The following CIB1 variants were observed in gnomAD, a reference collection of about 807,000 sequenced individuals.
CIB1 encodes calcium and integrin binding 1.
CIB1 carries 19 observed loss-of-function variants against 25.0 expected under a neutral mutation model. The ratio of observed to expected loss-of-function variants is 0.76; its 90% CI spans 0.53 to 1.12. The LOEUF is 1.12. Ranked by LOEUF, CIB1 falls within the 50% of genes most tolerant of loss-of-function variation. The probability of loss-of-function intolerance (pLI) is 0.00; values close to 1 mark genes in which losing one functional copy is unlikely to be tolerated. For synonymous variants in CIB1, 104 were observed against 98.5 expected, an observed-to-expected ratio of 1.06 and a Z score of -0.33; for missense variants, 236 against 242.6, an observed-to-expected ratio of 0.97 and a Z score of 0.18.
the CIB1 span, chr15:90,257,201 C>A: frequency 6.2e-7 from 1 of 1,613,846 alleles, no homozygotes; most frequent in Non-Finnish European, 8.5e-7. Flanking sequence ...ATCCTGTGAC[C>A]CTCTCCGGAT....
At chr15:90,255,461 G>A in the CIB1 span, among the ~76,000 whole-genome samples, 2 of 152,218 alleles carry the variant, frequency 1.3e-5, no homozygotes, top group African/African-American at 4.8e-5. Flanking sequence ...GGTCTGAGGG[G>A]TGTTAGAAGG....
the CIB1 span, among the ~76,000 whole-genome samples, chr15:90,249,986 C>A: frequency 8.0e-6 from 1 of 125,072 alleles, no homozygotes; most frequent in Non-Finnish European, 1.7e-5. Context: ...GAGACAGACT[C>A]TTGCTCTGTC....
rs747991133 is a variant in CIB1 at position 90,230,963 on chromosome 15, G to A, written c.525C>T (p.His175=). The change falls in exon 6 of 7, where the codon CAC becomes CAT. Residue 175 remains histidine (H), a synonymous_variant. Transcript: ENST00000328649. Reference sequence around the variant, plus strand: ...CAAAGTCTGGAGAACGGGAGATGACGTGCTGGAACTCAGAGAGGTTGATGG... The same window carrying A: ...CAAAGTCTGGAGAACGGGAGATGACATGCTGGAACTCAGAGAGGTTGATGG... ...DGTINLSEFQ[H]VISRSPDFAS... The A allele has an allele frequency of 1.9e-5, 31 of 1,614,038 alleles. No homozygotes were observed. Among genetic ancestry groups the A allele is most frequent in the South Asian group, 5.5e-5 (5 of 91,078 alleles).
chr15:90,253,210 G>A, the CIB1 span: 2 of 1,551,302 alleles, frequency 1.3e-6, no homozygotes, highest in Admixed American at 1.7e-5. Flanking sequence ...CTTGTTGCTG[G>A]TGTCCATGCT....
At chr15:90,262,898 G>C in the CIB1 span, 45 of 1,469,894 alleles carry the variant, frequency 3.1e-5, no homozygotes, top group Non-Finnish European at 3.9e-5. Context: ...GAGGCCTGTA[G>C]CCATCCTGGG....
chr15:90,262,512 G>A, the CIB1 span: 15 of 1,512,038 alleles, frequency 9.9e-6, no homozygotes, highest in South Asian at 1.2e-5. Flanking sequence ...GAGGAGATCC[G>A]CCTTAAGCAG....
chr15:90,249,947 T>TTTTTTTTTTTTATTTA, the CIB1 span: 1 of 147,574 alleles, frequency 6.8e-6, no homozygotes, highest in East Asian at 2.0e-4. Context: ...CTGTATTTTA[T>TTTTTTTTTTTTATTTA]TTTATTTATT....
At chr15:90,245,674 G>A in the CIB1 span, 5 of 151,982 alleles carry the variant, frequency 3.3e-5, no homozygotes, top group Non-Finnish European at 7.4e-5. Context: ...TGGATTTTGC[G>A]TTCAAAGTGA....
the CIB1 span, among the ~76,000 whole-genome samples, chr15:90,247,528 T>C: frequency 1.3e-5 from 2 of 151,262 alleles, no homozygotes; most frequent in East Asian, 1.9e-4. Context: ...AGGAAGGACA[T>C]TGGTGTTGAG....
chr15:90,241,362 G>A, the CIB1 span: 3 of 1,614,070 alleles, frequency 1.9e-6, no homozygotes, highest in Admixed American at 5.0e-5. Flanking sequence ...GCTGCAAGAA[G>A]ACATCCTGGT....
Position 90,230,935 on chromosome 15 carries a change from T to A in CIB1, c.553A>T (p.Ser185Cys). The change falls in exon 6 of 7, where the codon AGC (serine) becomes TGC (cysteine). Residue 185 changes from serine to cysteine, a missense_variant and splice_region_variant. By Grantham distance (112) the Ser-to-Cys change is moderately radical. Coordinates refer to ENST00000328649, the MANE Select transcript of CIB1 (RefSeq NM_006384.4). ...AATGAAGGGGGACCACTGTCATACC[T>A]GGCAAAGTCTGGAGAACGGGAGATG... ...HVISRSPDFA[S>C]SFKIVL The A allele has an allele frequency of 6.2e-7, 1 of 1,613,630 alleles. No homozygotes were observed. Among genetic ancestry groups the A allele is most frequent in the Non-Finnish European group, 8.5e-7 (1 of 1,179,622 alleles).
upstream of CIB1, among the ~76,000 whole-genome samples, chr15:90,235,425 A>G (rs1962612385): frequency 6.6e-6 from 1 of 152,110 alleles, no homozygotes; most frequent in African/African-American, 2.4e-5. Context: ...AATTAGCCAG[A>G]CATGGTTAAA....
At chr15:90,236,779 G>A (rs1388752987), upstream of CIB1, among the ~76,000 whole-genome samples, 4 of 150,742 alleles carry the variant, frequency 2.7e-5, no homozygotes, top group African/African-American at 2.4e-5. Context: ...CTCTTGATCC[G>A]CCTCCCTCAG....
At chr15:90,263,533 T>C in the CIB1 span, 1 of 550,426 alleles carries the variant, frequency 1.8e-6, no homozygotes, top group African/African-American at 1.9e-5. Flanking sequence ...AGTAAACAGA[T>C]TTGGGCCAAC....
chr15:90,232,761 C>T (rs1962529583), intron 2 of CIB1, among the ~76,000 whole-genome samples: 10 of 152,006 alleles, frequency 6.6e-5, no homozygotes, highest in Admixed American at 6.6e-4. Context: ...CAAAAATTAG[C>T]CGGGCATGGT....
Position 90,232,249 on chromosome 15 carries a change from G to T in CIB1, c.165C>A (p.Phe55Leu). ...VESSLRAQVP[F>L]EQILSLPELK... ...GCTCTGGAAGGCTGAGAATCTGCTC[G>T]AAGGGCACTTGTGCCCGAAGTGACG... Residue 55 changes from phenylalanine to leucine, a missense_variant, in exon 3 of 7, where the codon TTC becomes TTA. Physicochemically the swap from Phe to Leu is conservative, Grantham distance 22 (BLOSUM62 0). Transcript: ENST00000328649. The T allele has an allele frequency of 6.2e-7, 1 of 1,612,830 alleles. No individual in the cohort carries two copies. The highest frequency in any genetic ancestry group is 8.5e-7 in the Non-Finnish European group (1 of 1,179,060).
At chr15:90,263,641 G>T in the CIB1 span, 6 of 598,738 alleles carry the variant, frequency 1.0e-5, no homozygotes, top group Non-Finnish European at 1.5e-5. Context: ...TTAAATAGTG[G>T]CCGCGGCCTA....
At chr15:90,263,648 C>A in the CIB1 span, 1 of 604,324 alleles carries the variant, frequency 1.7e-6, no homozygotes, top group Non-Finnish European at 3.0e-6. Context: ...GTGGCCGCGG[C>A]CTAGAAGAGA....
the CIB1 span, among the ~76,000 whole-genome samples, chr15:90,256,709 G>A: frequency 7.0e-6 from 1 of 143,252 alleles, no homozygotes; most frequent in Non-Finnish European, 1.5e-5. Flanking sequence ...TCTTTCTTTC[G>A]ATGGAGTCTC....
Sources: gnomAD v4.1 joint callset for allele counts (sites outside exome capture counted in the v4.1 genomes callset) on GRCh38, gnomAD v4.1.1 for gene constraint, MANE v1.5 for transcripts, NCBI Gene and HGNC (gene_info 2026-07-23, HGNC 2026-07-21) for gene names.